The following DLGAP2 variants were observed in gnomAD, a reference collection of about 807,000 sequenced individuals.
DLGAP2 encodes the protein disks large-associated protein 2.
In DLGAP2, 26 loss-of-function variants were observed where a neutral mutation model predicts 100.3. The observed-to-expected ratio is 0.26, with a 90% confidence interval of 0.19 to 0.36. The LOEUF is 0.36. DLGAP2 is among the 10% of genes least tolerant of loss of function. The pLI is 1.00. For missense variants in DLGAP2, 1,858 were observed against 1,453.2 expected, an observed-to-expected ratio of 1.28 and a Z score of -4.53; for synonymous variants, 886 against 630.1, an observed-to-expected ratio of 1.41 and a Z score of -6.08.
At chr8:1,381,942 TAA>T (rs1225284248) in intron 3 of DLGAP2, among the ~76,000 whole-genome samples, 1 of 152,074 alleles carries the variant, frequency 6.6e-6, no homozygotes, top group Non-Finnish European at 1.5e-5. Context: ...CCAAGAATGA[TAA>T]AGTCTACACA....
intron 2 of DLGAP2, among the ~76,000 whole-genome samples, chr8:1,143,891 A>G (rs964418945): frequency 1.3e-5 from 2 of 152,200 alleles, no homozygotes; most frequent in Non-Finnish European, 2.9e-5. Context: ...CTCCATTGCT[A>G]GCTCAGCTAG....
chr8:1,448,596 A>C (rs915268680), intron 3 of DLGAP2, among the ~76,000 whole-genome samples: 1 of 152,224 alleles, frequency 6.6e-6, no homozygotes, highest in Admixed American at 6.5e-5. Flanking sequence ...GTAGATGTCT[A>C]TTAGGTCCAC....
chr8:1,271,886 C>T (rs1393311074), intron 3 of DLGAP2, among the ~76,000 whole-genome samples: 1 of 152,200 alleles, frequency 6.6e-6, no homozygotes, highest in East Asian at 1.9e-4. Flanking sequence ...GCAACCTCAG[C>T]TCACTGCAAC....
At chr8:1,467,229 C>T (rs1434518207) in intron 3 of DLGAP2, among the ~76,000 whole-genome samples, 2 of 146,034 alleles carry the variant, frequency 1.4e-5, no homozygotes, top group South Asian at 4.2e-4. Context: ...TGTTGGATGT[C>T]ACTGAGTGTC....
At chr8:1,371,336 A>G (rs1802231796) in intron 3 of DLGAP2, among the ~76,000 whole-genome samples, 1 of 152,198 alleles carries the variant, frequency 6.6e-6, no homozygotes, top group African/African-American at 2.4e-5. Flanking sequence ...CTGGTGCTGT[A>G]TCCTCGTGGA....
chr8:1,261,291 T>C (rs1002887797), intron 3 of DLGAP2, among the ~76,000 whole-genome samples: 12 of 150,730 alleles, frequency 8.0e-5, no homozygotes, highest in Non-Finnish European at 1.6e-4. Flanking sequence ...ATTCCAGATA[T>C]ATAAAATGAG....
At position 1,190,530 on chromosome 8, in the gene DLGAP2, G is replaced by A. The variant is rs572900289; in HGVS notation, c.74-68321G>A. 1.5e-4 allele frequency among the ~76,000 whole-genome samples: 23 copies of A among 152,246 alleles called. No homozygotes were observed. The South Asian group carries it at 4.4e-3, about 29-fold the overall frequency. ...GCAGGAGGCACCCGTCCCGTTCGAC[G>A]CCTCTGGCCGCCCCGTCCTTGCTTC... On this transcript the variant is annotated intron_variant, in intron 2 of 14. Coordinates refer to ENST00000637795, the MANE Select transcript of DLGAP2 (RefSeq NM_001346810.2).
intron 3 of DLGAP2, among the ~76,000 whole-genome samples, chr8:1,437,560 C>T (rs1181892214): frequency 6.6e-6 from 1 of 152,180 alleles, no homozygotes; most frequent in Admixed American, 6.5e-5. Context: ...GATCAGAGTA[C>T]ACAGAACGCT....
At chr8:1,668,812 G>C (rs1798615156) in intron 9 of DLGAP2, 134 bp downstream of exon 9, 1 of 884,996 alleles carries the variant, frequency 1.1e-6, no homozygotes, top group Non-Finnish European at 1.7e-6. Context: ...TGGAATCTGA[G>C]AGCAGGGCTG....
intron 4 of DLGAP2, among the ~76,000 whole-genome samples, chr8:1,503,315 A>G (rs1245329403): frequency 6.6e-6 from 1 of 151,310 alleles, no homozygotes; most frequent in South Asian, 2.1e-4. Flanking sequence ...TGGAACCCCC[A>G]TTCTGCTTTC....
At chr8:798,758 C>T (rs1344555383) in intron 1 of DLGAP2, among the ~76,000 whole-genome samples, 3 of 139,968 alleles carry the variant, frequency 2.1e-5, no homozygotes, top group South Asian at 2.4e-4. Flanking sequence ...TGAAAGCAAA[C>T]GCTTGTTGAG....
chr8:1,361,364 G>C (rs1168241188), intron 3 of DLGAP2, among the ~76,000 whole-genome samples: 1 of 152,186 alleles, frequency 6.6e-6, no homozygotes, highest in Non-Finnish European at 1.5e-5. Context: ...CTATTTATAG[G>C]ACTTGGATTT....
intron 2 of DLGAP2, among the ~76,000 whole-genome samples, chr8:1,165,855 A>AG (rs760159766): frequency 6.7e-6 from 1 of 148,248 alleles, no homozygotes; most frequent in Non-Finnish European, 1.5e-5. Context: ...GTTAGATTTA[A>AG]GGGAAAAAAA....
intron 3 of DLGAP2, among the ~76,000 whole-genome samples, chr8:1,421,781 T>A (rs1003949992): frequency 6.6e-6 from 1 of 151,948 alleles, no homozygotes. Context: ...CTGGCCAACA[T>A]GGTGAAACCC....
intron 4 of DLGAP2, among the ~76,000 whole-genome samples, chr8:1,525,514 G>A (rs1032979809): frequency 2.8e-4 from 42 of 152,204 alleles, no homozygotes; most frequent in Admixed American, 1.9e-3. Flanking sequence ...AGACCCCAAA[G>A]CTGCGGTCCT....
intron 2 of DLGAP2, among the ~76,000 whole-genome samples, chr8:1,254,175 T>C (rs1266920659): frequency 6.6e-6 from 1 of 152,116 alleles, no homozygotes; most frequent in African/African-American, 2.4e-5. Context: ...CCCTTGCAGG[T>C]CTCAGTCTGC....
At chr8:1,270,493 T>G (rs187595738) in intron 3 of DLGAP2, among the ~76,000 whole-genome samples, 1 of 152,324 alleles carries the variant, frequency 6.6e-6, no homozygotes, top group East Asian at 1.9e-4. Flanking sequence ...AGATTGACTT[T>G]CCTCAGGAGA....
chr8:1,212,022 A>C (rs941846291), intron 2 of DLGAP2, among the ~76,000 whole-genome samples: 2 of 152,222 alleles, frequency 1.3e-5, no homozygotes, highest in African/African-American at 4.8e-5. Flanking sequence ...CCTTCACCTG[A>C]TTCACAGCGC....
chr8:776,881 C>T (rs1455357750), intron 1 of DLGAP2, among the ~76,000 whole-genome samples: 3 of 152,122 alleles, frequency 2.0e-5, no homozygotes, highest in Non-Finnish European at 4.4e-5. Context: ...TGTTGCAGAG[C>T]TGAGTTCAAT....
Sources: gnomAD v4.1 joint callset for allele counts (sites outside exome capture counted in the v4.1 genomes callset) on GRCh38, gnomAD v4.1.1 for gene constraint, MANE v1.5 for transcripts, NCBI Gene and HGNC (gene_info 2026-07-23, HGNC 2026-07-21) for gene names.